The following CPED1 variants were observed in gnomAD, a reference collection of about 807,000 sequenced individuals.
CPED1 encodes cadherin like and PC-esterase domain containing 1.
CPED1 carries 114 observed loss-of-function variants against 128.2 expected under a neutral mutation model. The ratio of observed to expected loss-of-function variants is 0.89; its 90% confidence interval spans 0.76 to 1.04. CPED1 has a LOEUF of 1.04. Ranked by LOEUF, CPED1 falls within the 50% of genes least tolerant of loss-of-function variation. The pLI is 0.00. For synonymous variants in CPED1, 462 were observed against 426.7 expected, an observed-to-expected ratio of 1.08 and a Z score of -1.02; for missense variants, 1,211 against 1,207.1, an observed-to-expected ratio of 1.00 and a Z score of -0.05.
chr7:121,257,371 T>A (rs1468842416), intron 18 of CPED1, among the ~76,000 whole-genome samples: 1 of 152,134 alleles, frequency 6.6e-6, no homozygotes, highest in Non-Finnish European at 1.5e-5. Flanking sequence ...GAGATATTTT[T>A]AAATATTTCT....
At chr7:120,996,620 T>G (rs1438408925) in intron 2 of CPED1, among the ~76,000 whole-genome samples, 1 of 152,208 alleles carries the variant, frequency 6.6e-6, no homozygotes, top group Admixed American at 6.5e-5. Context: ...GCTGTGCATT[T>G]AGCCCTTTAT....
intron 3 of CPED1, among the ~76,000 whole-genome samples, chr7:121,039,215 A>T (rs1792981053): frequency 6.6e-6 from 1 of 152,010 alleles, no homozygotes; most frequent in Admixed American, 6.6e-5. Flanking sequence ...GGGCTCATGG[A>T]TATTTATTTT....
intron 16 of CPED1, among the ~76,000 whole-genome samples, chr7:121,183,612 T>C (rs1796942594): frequency 6.6e-6 from 1 of 152,174 alleles, no homozygotes; most frequent in African/African-American, 2.4e-5. Context: ...TAGCAAACTG[T>C]TCAAATAAAT....
intron 3 of CPED1, among the ~76,000 whole-genome samples, chr7:121,026,734 T>C (rs1359158599): frequency 6.6e-6 from 1 of 151,470 alleles, no homozygotes; most frequent in Non-Finnish European, 1.5e-5. Flanking sequence ...CCATAGTAAT[T>C]GGCCTGCTCA....
At chr7:121,234,443 A>G (rs1305350727) in intron 16 of CPED1, among the ~76,000 whole-genome samples, 2 of 152,106 alleles carry the variant, frequency 1.3e-5, no homozygotes, top group African/African-American at 2.4e-5. Context: ...ATTATAGCAT[A>G]TAGAACTATA....
At chr7:121,036,718 G>C (rs1216471053) in intron 3 of CPED1, among the ~76,000 whole-genome samples, 1 of 152,038 alleles carries the variant, frequency 6.6e-6, no homozygotes. Flanking sequence ...TCTCCACACT[G>C]TTTTCCATAG....
intron 16 of CPED1, among the ~76,000 whole-genome samples, chr7:121,203,469 C>T (rs538759986): frequency 1.4e-4 from 22 of 152,238 alleles, no homozygotes; most frequent in African/African-American, 5.3e-4. Flanking sequence ...TCTCTGTCAA[C>T]AGATAGACCC....
intron 18 of CPED1, chr7:121,261,630 A>G: frequency 6.2e-7 from 1 of 1,610,090 alleles, no homozygotes; most frequent in African/African-American, 1.3e-5. Context: ...TCCTTCCTTC[A>G]GTTGGGTGTC....
At chr7:121,291,800 C>G (rs1792708958) in intron 22 of CPED1, among the ~76,000 whole-genome samples, 1 of 152,170 alleles carries the variant, frequency 6.6e-6, no homozygotes, top group African/African-American at 2.4e-5. Flanking sequence ...ATTTCTTTCT[C>G]TTGCCTGATT....
In CPED1 at chr7:121,100,114, T is replaced by C. The variant is rs1049418490; in HGVS notation, c.918+20T>C. The C allele has an allele frequency of 7.4e-6, 12 of 1,610,928 alleles. No individual in the cohort carries two copies. The highest frequency in any genetic ancestry group is 1.0e-5 in the Non-Finnish European group (12 of 1,178,062). ...GTCAAGGTAAGCTCTCGGTTGAAGC[T>C]ATTATTTCACGTAAGTACACTGAAG... On this transcript the variant is annotated intron_variant, in intron 7 of 22. Transcript: ENST00000310396.
At chr7:121,065,102 TAATC>T (rs1227406798) in intron 5 of CPED1, among the ~76,000 whole-genome samples, 1 of 152,320 alleles carries the variant, frequency 6.6e-6, no homozygotes, top group African/African-American at 2.4e-5. Context: ...AGGAAACAAA[TAATC>T]TATCTTAATC....
At chr7:121,034,120 G>A (rs1408238840) in intron 3 of CPED1, among the ~76,000 whole-genome samples, 2 of 151,974 alleles carry the variant, frequency 1.3e-5, no homozygotes, top group Non-Finnish European at 2.9e-5. Context: ...CATAAGGAAT[G>A]TCTATCAAAA....
intron 3 of CPED1, among the ~76,000 whole-genome samples, chr7:121,043,913 C>T: frequency 6.6e-6 from 1 of 152,326 alleles, no homozygotes; most frequent in Non-Finnish European, 1.5e-5. Flanking sequence ...TTTTAGTTTG[C>T]AATCTCTGCT....
chr7:121,219,201 A>G (rs1345605045), intron 16 of CPED1, among the ~76,000 whole-genome samples: 1 of 152,032 alleles, frequency 6.6e-6, no homozygotes, highest in Non-Finnish European at 1.5e-5. Context: ...AAGTGCGAGA[A>G]ACCACAACAA....
At chr7:121,119,635 C>G (rs1161413323) in intron 7 of CPED1, among the ~76,000 whole-genome samples, 7 of 151,286 alleles carry the variant, frequency 4.6e-5, no homozygotes. Flanking sequence ...ACCATCCTGG[C>G]TAACACAGTC....
chr7:121,198,965 T>A (rs1013285397), intron 16 of CPED1, among the ~76,000 whole-genome samples: 2 of 152,148 alleles, frequency 1.3e-5, no homozygotes, highest in African/African-American at 4.8e-5. Flanking sequence ...GTATTTTAGG[T>A]CATTAGAAAC....
In CPED1 at chr7:121,295,450, C is replaced by A; in HGVS notation, c.2879C>A (p.Ser960Ter). ...GCTCTTCATTTACAGGTAGTGAAATCAAAGTTATCCAAAGAATATAACTTT... is the reference window on the plus strand; with the variant it reads ...GCTCTTCATTTACAGGTAGTGAAATAAAAGTTATCCAAAGAATATAACTTT... ...CGCHFHEVVK[S>*]KLSKEYNFIK... The change falls in exon 23 of 23, where the codon TCA becomes TAA. Residue 960 changes from serine (S) to a stop codon, truncating the protein, a stop_gained. Coordinates refer to ENST00000310396, the MANE Select transcript of CPED1 (RefSeq NM_024913.5). LOFTEE classifies it high-confidence loss of function. The A allele has an allele frequency of 1.9e-6, 3 of 1,610,716 alleles. No homozygotes were observed. The highest frequency in any genetic ancestry group is 1.1e-5 in the South Asian group (1 of 90,612).
At chr7:121,155,355 A>T (rs962036612) in intron 16 of CPED1, among the ~76,000 whole-genome samples, 1 of 152,192 alleles carries the variant, frequency 6.6e-6, no homozygotes, top group Non-Finnish European at 1.5e-5. Context: ...AAATAGAAAA[A>T]CAATCCTAAA....
At chr7:121,002,797 C>T (rs996007754) in intron 2 of CPED1, among the ~76,000 whole-genome samples, 3 of 152,152 alleles carry the variant, frequency 2.0e-5, no homozygotes, top group African/African-American at 7.2e-5. Context: ...CTAGAATTGT[C>T]TCCTATTTTT....
Sources: gnomAD v4.1 joint callset for allele counts (sites outside exome capture counted in the v4.1 genomes callset) on GRCh38, gnomAD v4.1.1 for gene constraint, MANE v1.5 for transcripts, NCBI Gene and HGNC (gene_info 2026-07-23, HGNC 2026-07-21) for gene names.